The following DCC variants were observed in gnomAD, a reference collection of about 807,000 sequenced individuals.
DCC encodes the protein netrin receptor DCC.
In DCC, 58 loss-of-function variants were observed where a neutral mutation model predicts 172.5. That is an observed-to-expected ratio of 0.34 (90% CI 0.27 to 0.42). DCC has a LOEUF of 0.42. Ranked by LOEUF, DCC falls within the 10% of genes least tolerant of loss-of-function variation. The pLI is 1.00. For missense variants in DCC, 1,740 were observed against 1,791.0 expected, an observed-to-expected ratio of 0.97 and a Z score of 0.51; for synonymous variants, 709 against 644.5, an observed-to-expected ratio of 1.10 and a Z score of -1.52.
chr18:52,582,574 A>T (rs757402422), intron 1 of DCC, among the ~76,000 whole-genome samples: 5 of 152,224 alleles, frequency 3.3e-5, no homozygotes, highest in South Asian at 2.1e-4. Context: ...GCTTCAAATC[A>T]GAGAAAAGGG....
chr18:52,963,858 G>A (rs2040885951), intron 5 of DCC, among the ~76,000 whole-genome samples: 1 of 150,356 alleles, frequency 6.7e-6, no homozygotes, highest in South Asian at 2.1e-4. Context: ...AACTCTCAGA[G>A]CATCATCAAG....
intron 12 of DCC, among the ~76,000 whole-genome samples, chr18:53,258,262 T>C (rs1402424417): frequency 2.0e-5 from 3 of 152,184 alleles, no homozygotes; most frequent in South Asian, 2.1e-4. Flanking sequence ...AGCTTTTGAA[T>C]GTGTTTGCTC....
chr18:52,515,556 G>A (rs1280384032), intron 1 of DCC, among the ~76,000 whole-genome samples: 2 of 126,792 alleles, frequency 1.6e-5, no homozygotes, highest in Admixed American at 1.0e-4. Flanking sequence ...GCAGTGAGCC[G>A]AGATAGTGCC....
chr18:53,137,413 C>T (rs2043760656), intron 7 of DCC, among the ~76,000 whole-genome samples: 1 of 152,198 alleles, frequency 6.6e-6, no homozygotes, highest in Non-Finnish European at 1.5e-5. Context: ...GCGTTCCTGG[C>T]CATGTAGCCT....
At chr18:52,912,076 C>T (rs2039978567) in intron 3 of DCC, among the ~76,000 whole-genome samples, 1 of 151,994 alleles carries the variant, frequency 6.6e-6, no homozygotes, top group South Asian at 2.1e-4. Context: ...TAAAAGTTCC[C>T]AACTTGAACT....
intron 9 of DCC, among the ~76,000 whole-genome samples, chr18:53,183,090 T>C (rs542624115): frequency 6.6e-6 from 1 of 152,296 alleles, no homozygotes; most frequent in East Asian, 1.9e-4. Context: ...ATAGCTTGTA[T>C]ACAAATTGAA....
chr18:52,694,943 G>T (rs2035988588), intron 1 of DCC, among the ~76,000 whole-genome samples: 1 of 152,180 alleles, frequency 6.6e-6, no homozygotes, highest in Non-Finnish European at 1.5e-5. Context: ...AGCAGATAAA[G>T]GATGCTCTTT....
intron 2 of DCC, among the ~76,000 whole-genome samples, chr18:52,778,309 G>A (rs939520798): frequency 1.3e-5 from 2 of 152,168 alleles, no homozygotes; most frequent in African/African-American, 4.8e-5. Flanking sequence ...ACTTTCTTCA[G>A]TTGCATGCCT....
chr18:52,857,415 G>A (rs573888094), intron 2 of DCC, among the ~76,000 whole-genome samples: 7 of 152,144 alleles, frequency 4.6e-5, no homozygotes, highest in South Asian at 2.1e-4. Flanking sequence ...TTTCATTTTA[G>A]TGCAGTAGAA....
intron 21 of DCC, among the ~76,000 whole-genome samples, chr18:53,428,342 T>G (rs1315483881): frequency 1.9e-3 from 101 of 53,742 alleles, no homozygotes; most frequent in African/African-American, 2.4e-3. Flanking sequence ...ATATTGTATA[T>G]AATATAATAT....
At chr18:52,814,129 G>A (rs1478079065) in intron 2 of DCC, among the ~76,000 whole-genome samples, 1 of 152,150 alleles carries the variant, frequency 6.6e-6, no homozygotes, top group African/African-American at 2.4e-5. Flanking sequence ...CATTCTCCTA[G>A]AGGTGAGCCA....
intron 12 of DCC, among the ~76,000 whole-genome samples, chr18:53,284,907 CAA>C (rs779973098): frequency 7.1e-4 from 108 of 152,138 alleles, no homozygotes; most frequent in Non-Finnish European, 1.3e-3. Flanking sequence ...TATGTTTTAG[CAA>C]AGAGACTGGC....
intron 1 of DCC, among the ~76,000 whole-genome samples, chr18:52,531,134 T>G (rs1303017200): frequency 6.6e-6 from 1 of 152,250 alleles, no homozygotes; most frequent in Non-Finnish European, 1.5e-5. Context: ...AACAGCCTTC[T>G]GTCTGCTGAG....
intron 7 of DCC, among the ~76,000 whole-genome samples, chr18:53,149,008 A>AC (rs967475899): frequency 1.3e-5 from 2 of 151,138 alleles, no homozygotes; most frequent in African/African-American, 2.4e-5. Context: ...GATTACAGGC[A>AC]CCCCCCACCA....
At chr18:52,745,959 C>A (rs6508156) in intron 1 of DCC, among the ~76,000 whole-genome samples, 30,198 of 152,108 alleles carry the variant, frequency 0.2, 4,279 homozygotes, top group African/African-American at 0.4. Context: ...TTAACATATG[C>A]TTAGGGATTC....
At chr18:52,933,840 C>T (rs118045380) in intron 5 of DCC, among the ~76,000 whole-genome samples, 20 of 152,060 alleles carry the variant, frequency 1.3e-4, no homozygotes, top group Non-Finnish European at 1.8e-4. Flanking sequence ...TAGTGTACAT[C>T]GCACCTATTA....
At chr18:52,614,210 T>C (rs1356178504) in intron 1 of DCC, among the ~76,000 whole-genome samples, 1 of 152,154 alleles carries the variant, frequency 6.6e-6, no homozygotes, top group Non-Finnish European at 1.5e-5. Context: ...AATAAAATGG[T>C]GAGTCTTAAT....
At chr18:52,355,685 T>G (rs1022266277) in intron 1 of DCC, among the ~76,000 whole-genome samples, 6 of 152,182 alleles carry the variant, frequency 3.9e-5, no homozygotes, top group African/African-American at 1.4e-4. Flanking sequence ...TCTGTTGTTT[T>G]AGTTAACAAA....
chr18:52,876,243 T>C (rs1263806520), intron 2 of DCC, among the ~76,000 whole-genome samples: 1 of 152,218 alleles, frequency 6.6e-6, no homozygotes, highest in Non-Finnish European at 1.5e-5. Context: ...CATCAGAGCC[T>C]AGAGAATCTA....
Sources: allele counts gnomAD v4.1 joint callset (sites outside exome capture counted in the v4.1 genomes callset), GRCh38; gene constraint gnomAD v4.1.1; transcripts MANE v1.5; gene names NCBI Gene and HGNC (gene_info 2026-07-23, HGNC 2026-07-21).